NTRK3: variants seen among roughly 807,000 people sequenced by gnomAD.
The protein encoded by NTRK3 is neurotrophic receptor tyrosine kinase 3, also known as NT-3 growth factor receptor.
NTRK3 carries 24 observed loss-of-function variants against 91.7 expected under a neutral mutation model. The observed-to-expected ratio is 0.26, with a 90% CI of 0.19 to 0.37. NTRK3 has a LOEUF of 0.37. Ranked by LOEUF, NTRK3 falls within the 10% of genes least tolerant of loss-of-function variation. The pLI, the probability that NTRK3 is intolerant of heterozygous loss-of-function variation, is 1.00. For synonymous variants in NTRK3, 483 were observed against 404.0 expected (o/e 1.20, Z -2.34); for missense variants, 880 against 1,068.9 (o/e 0.82, Z 2.46).
intron 11 of NTRK3, 87 bp from the exon 12 acceptor site, chr15:88,127,313 C>T: frequency 9.3e-7 from 1 of 1,072,332 alleles, no homozygotes; most frequent in African/African-American, 1.5e-5. Context: ...TCCCAAGCTC[C>T]CTTGAGACTT....
chr15:87,920,970 A>C (rs1214248576), intron 17 of NTRK3, among the ~76,000 whole-genome samples: 1 of 152,160 alleles, frequency 6.6e-6, no homozygotes, highest in African/African-American at 2.4e-5. Flanking sequence ...TAGTTTAGTT[A>C]ATAATTTGTG....
At chr15:88,119,154 A>G (rs554667301) in intron 13 of NTRK3, among the ~76,000 whole-genome samples, 19 of 152,242 alleles carry the variant, frequency 1.2e-4, no homozygotes, top group East Asian at 1.9e-4. Context: ...AGGGACTTCT[A>G]TGATGATTCA....
chr15:88,173,105 T>A (rs1267103102), intron 5 of NTRK3, among the ~76,000 whole-genome samples: 1 of 152,056 alleles, frequency 6.6e-6, no homozygotes, highest in East Asian at 1.9e-4. Flanking sequence ...GCAGGAAGGA[T>A]CCATTTAAAA....
At chr15:88,002,519 C>T (rs766782110) in intron 14 of NTRK3, among the ~76,000 whole-genome samples, 18 of 152,022 alleles carry the variant, frequency 1.2e-4, no homozygotes, top group Non-Finnish European at 2.2e-4. Context: ...TAGAAGCTGA[C>T]ATTCAGAGAA....
intron 13 of NTRK3, among the ~76,000 whole-genome samples, chr15:88,102,610 A>G (rs1171443106): frequency 6.6e-6 from 1 of 152,176 alleles, no homozygotes; most frequent in Non-Finnish European, 1.5e-5. Flanking sequence ...TCAAAATTTC[A>G]CATGTACCCC....
chr15:88,232,901 C>T (rs925078954), intron 3 of NTRK3, among the ~76,000 whole-genome samples: 2 of 152,208 alleles, frequency 1.3e-5, no homozygotes, highest in Non-Finnish European at 2.9e-5. Context: ...GAACCCATCC[C>T]CCAGCCTACA....
rs761851885 is a variant in NTRK3 at position 88,256,023 on chromosome 15, T to C, written c.131A>G (p.Asn44Ser). 1.7e-5 allele frequency: 27 copies of C among 1,612,514 alleles called. No individual in the cohort carries two copies. In the East Asian group the frequency reaches 5.4e-4, roughly 32 times the overall value. The change falls in exon 3 of 19, where the codon AAT (asparagine) becomes AGT (serine). Residue 44 changes from asparagine to serine, a missense_variant. Asn to Ser is a conservative substitution (Grantham distance 46). Around this residue, in one of 3 missense-constraint regions of NTRK3, gnomAD observed 743 missense variants for 868.6 expected, o/e 0.86. Transcript: ENST00000394480. Reference sequence around the variant, plus strand: ...GTTCCCATCGTCCGGCCGCCGGCAATTGATCTCAGTCTTGCTGCAGACACA... The same window carrying C: ...GTTCCCATCGTCCGGCCGCCGGCAACTGATCTCAGTCTTGCTGCAGACACA...
At chr15:88,179,117 G>A (rs566402462) in intron 5 of NTRK3, among the ~76,000 whole-genome samples, 36 of 152,296 alleles carry the variant, frequency 2.4e-4, no homozygotes, top group African/African-American at 7.9e-4. Flanking sequence ...TTACTGTGGG[G>A]AGTAAGTGAG....
intron 17 of NTRK3, among the ~76,000 whole-genome samples, chr15:87,918,095 G>A (rs1369422): frequency 5.9e-5 from 9 of 152,000 alleles, no homozygotes; most frequent in African/African-American, 4.8e-5. Context: ...TCTCCAGTTC[G>A]TAGTCCTGAG....
At chr15:88,223,771 C>T (rs1422091503) in intron 3 of NTRK3, among the ~76,000 whole-genome samples, 1 of 152,204 alleles carries the variant, frequency 6.6e-6, no homozygotes. Flanking sequence ...TCGCACAGTG[C>T]TGGCTGGCCA....
chr15:88,135,293 T>C (rs1446025848), exon 10 of NTRK3: 3 of 1,614,072 alleles, frequency 1.9e-6, no homozygotes, highest in Middle Eastern at 1.6e-4. Flanking sequence ...GGCTGCCCAT[T>C]GTGCAGCCAG....
At chr15:88,172,492 G>C (rs1270634791) in intron 5 of NTRK3, among the ~76,000 whole-genome samples, 1 of 152,186 alleles carries the variant, frequency 6.6e-6, no homozygotes, top group Non-Finnish European at 1.5e-5. Context: ...GCACAGCCCA[G>C]AGGCCAGAAT....
intron 13 of NTRK3, among the ~76,000 whole-genome samples, chr15:88,096,426 T>A: frequency 6.6e-6 from 1 of 152,128 alleles, no homozygotes; most frequent in South Asian, 2.1e-4. Context: ...AAGACCCTAC[T>A]TCACCATGAC....
intron 5 of NTRK3, among the ~76,000 whole-genome samples, chr15:88,170,943 G>A (rs565791823): frequency 6.6e-6 from 1 of 152,098 alleles, no homozygotes; most frequent in African/African-American, 2.4e-5. Flanking sequence ...TCCACCCCAG[G>A]CCCTCTAGAG....
rs781111614 is a variant in NTRK3 at position 88,126,380 on chromosome 15, G to A, written c.1294-7C>T. 1.9e-6 allele frequency: 3 copies of A among 1,598,276 alleles called. No individual in the cohort carries two copies. The South Asian group carries it at 3.3e-5, about 18-fold the overall frequency. On this transcript the variant is annotated splice_polypyrimidine_tract_variant and splice_region_variant and intron_variant, in intron 12 of 18. Coordinates refer to ENST00000394480, the Ensembl canonical transcript of NTRK3. ...GTCCAACTGCTATGGATACCTGTGA[G>A]GAACCAGAAACAGAGAGTCAGCAAC...
chr15:88,080,668 A>G (rs1018917120), intron 13 of NTRK3, among the ~76,000 whole-genome samples: 1 of 152,236 alleles, frequency 6.6e-6, no homozygotes, highest in Admixed American at 6.5e-5. Flanking sequence ...CCCCACAGTG[A>G]CGTGGCTCTT....
chr15:88,111,953 C>A (rs1194549855), intron 13 of NTRK3, among the ~76,000 whole-genome samples: 3 of 150,164 alleles, frequency 2.0e-5, no homozygotes, highest in Admixed American at 1.3e-4. Flanking sequence ...GTCACCCAGG[C>A]TGGAGTGCAG....
At chr15:88,113,024 C>T (rs2051596010) in intron 13 of NTRK3, among the ~76,000 whole-genome samples, 1 of 152,142 alleles carries the variant, frequency 6.6e-6, no homozygotes, top group Non-Finnish European at 1.5e-5. Context: ...ATCATTCTTT[C>T]CCAAAGACCA....
intron 3 of NTRK3, among the ~76,000 whole-genome samples, chr15:88,189,280 G>GGTCC (rs2047194886): frequency 6.6e-6 from 1 of 152,122 alleles, no homozygotes; most frequent in Non-Finnish European, 1.5e-5. Context: ...AGCAACACCA[G>GGTCC]GTCCCAGAGA....
Sources: gnomAD v4.1 joint callset for allele counts (sites outside exome capture counted in the v4.1 genomes callset) on GRCh38, gnomAD v4.1.1 for gene constraint, gnomAD v4.1.1 regional missense constraint, MANE v1.5 for transcripts, NCBI Gene and HGNC (gene_info 2026-07-23, HGNC 2026-07-21) for gene names.